Variants in IQGAP1 observed in about 807,000 individuals in gnomAD.
The protein encoded by IQGAP1 is IQ motif containing GTPase activating protein 1.
In IQGAP1, 66 loss-of-function variants were observed where a neutral mutation model predicts 215.6. The ratio of observed to expected loss-of-function variants is 0.31; its 90% CI spans 0.25 to 0.38. The LOEUF is 0.38. Among genes scored for constraint, IQGAP1 ranks in the 10% least tolerant of loss-of-function variants. IQGAP1 has a pLI of 1.00. For synonymous variants in IQGAP1, 772 were observed against 728.7 expected (o/e 1.06, Z -0.96); for missense variants, 1,712 against 1,997.1 (o/e 0.86, Z 2.72).
At chr15:90,465,971 C>G (rs369657401) in intron 15 of IQGAP1, 30 bp from the exon 16 acceptor site, 2 of 1,558,264 alleles carry the variant, frequency 1.3e-6, no homozygotes, top group East Asian at 4.5e-5. Context: ...GATTTCATGA[C>G]TTTAATATTT....
intron 33 of IQGAP1, among the ~76,000 whole-genome samples, chr15:90,487,816 C>T (rs16974215): frequency 0.23 from 35,076 of 151,984 alleles, 5,676 homozygotes; most frequent in African/African-American, 0.46. Flanking sequence ...AATCATTGTG[C>T]CCATCCCGTA....
chr15:90,466,165 A>T, intron 16 of IQGAP1, 74 bp downstream of exon 16: 1 of 1,576,486 alleles, frequency 6.3e-7, no homozygotes, highest in Non-Finnish European at 8.7e-7. Context: ...CTTGACCAAG[A>T]TAGGTATGGG....
chr15:90,478,101 C>A (rs1966006057), intron 26 of IQGAP1, among the ~76,000 whole-genome samples: 1 of 152,198 alleles, frequency 6.6e-6, no homozygotes. Context: ...AAGCAATTCT[C>A]ATGCCCCAGC....
chr15:90,477,676 A>G lies in IQGAP1; in HGVS notation c.3116A>G (p.Asp1039Gly). The change falls in exon 26 of 38, where the codon GAT becomes GGT. Residue 1039 changes from aspartate to glycine, a missense_variant. Asp to Gly is a moderately conservative substitution (Grantham distance 94). This residue lies in a region of IQGAP1 where 691 missense variants were observed against 923.0 expected (regional missense o/e 0.75). Transcript: ENST00000268182. ...CTGATGTTTTATAGGTCGAAGGTAG[A>G]TCAGATTCAAGAGATTGTGACAGGA... Reference protein sequence around the residue: ...ALQEEIKSKVDQIQEIVTGNP... With the variant: ...ALQEEIKSKVGQIQEIVTGNP... The G allele has an allele frequency of 6.2e-7, 1 of 1,612,108 alleles. No individual in the cohort carries two copies. Among genetic ancestry groups the G allele is most frequent in the Non-Finnish European group, 8.5e-7 (1 of 1,178,208 alleles).
rs1430596205 is a variant in IQGAP1, at chr15:90,500,234, C to G, written c.*126C>G. 9.9e-6 allele frequency: 6 copies of G among 605,246 alleles called. No homozygotes were observed. Among genetic ancestry groups the G allele is most frequent in the Non-Finnish European group, 1.8e-5 (6 of 334,386 alleles). The allele number at this position is 605,246 out of a possible 1,614,324, so 37.5% of individuals were successfully genotyped here. A position where few individuals can be genotyped will look rare whatever the true frequency, so the allele number is the denominator to read the frequency against. On this transcript the variant is annotated 3_prime_UTR_variant, in exon 38 of 38. Transcript: ENST00000268182. ...AACAGCACCTCAATCTGATACACTC[C>G]CGATGCCACATTTTTAACTCCTCTC...
intron 37 of IQGAP1, among the ~76,000 whole-genome samples, chr15:90,498,397 T>G (rs1966300237): frequency 2.6e-5 from 4 of 152,056 alleles, no homozygotes; most frequent in Admixed American, 2.6e-4. Context: ...TCCCTCAGTT[T>G]CACCAAATTA....
chr15:90,398,103 C>A (rs1478305255), intron 2 of IQGAP1, among the ~76,000 whole-genome samples: 1 of 151,820 alleles, frequency 6.6e-6, no homozygotes, highest in Non-Finnish European at 1.5e-5. Flanking sequence ...CCAGGCTGGT[C>A]TCAAACTCCT....
intron 2 of IQGAP1, among the ~76,000 whole-genome samples, chr15:90,420,665 C>T (rs1247315069): frequency 6.6e-6 from 1 of 152,120 alleles, no homozygotes; most frequent in East Asian, 1.9e-4. Context: ...ATTGCTAGGA[C>T]AGGGTTAAAT....
At chr15:90,421,400 T>G (rs1273613365) in intron 2 of IQGAP1, among the ~76,000 whole-genome samples, 1 of 149,290 alleles carries the variant, frequency 6.7e-6, no homozygotes, top group Admixed American at 6.7e-5. Flanking sequence ...TGCTTGAACT[T>G]GGGAGACGGA....
chr15:90,484,180 A>G, intron 29 of IQGAP1, 40 bp from the exon 30 acceptor site: 3 of 1,602,168 alleles, frequency 1.9e-6, no homozygotes, highest in Non-Finnish European at 2.6e-6. Flanking sequence ...CTTCATGTGT[A>G]TGTCCCTTTT....
At chr15:90,457,595 A>AT (rs34550575) in intron 15 of IQGAP1, among the ~76,000 whole-genome samples, 74,202 of 131,326 alleles carry the variant, frequency 0.57, 21,671 homozygotes, top group East Asian at 0.83. Context: ...CCTGGCTAAA[A>AT]TTTTTTTTTT....
chr15:90,398,173 A>T (rs1172355135), intron 2 of IQGAP1, among the ~76,000 whole-genome samples: 2 of 152,156 alleles, frequency 1.3e-5, no homozygotes, highest in East Asian at 3.8e-4. Context: ...GACATGAGCC[A>T]CTGTGCCCGG....
At chr15:90,479,394 CAG>C (rs745498477) in intron 26 of IQGAP1, among the ~76,000 whole-genome samples, 9 of 151,960 alleles carry the variant, frequency 5.9e-5, no homozygotes, top group Non-Finnish European at 8.8e-5. Context: ...GCCAGGCAAA[CAG>C]GGAGTTTTAC....
chr15:90,415,413 T>C (rs1965031214), intron 2 of IQGAP1, among the ~76,000 whole-genome samples: 1 of 152,212 alleles, frequency 6.6e-6, no homozygotes. Flanking sequence ...AAAAATGGCC[T>C]TACAGAAGTT....
intron 2 of IQGAP1, among the ~76,000 whole-genome samples, chr15:90,399,004 C>CA (rs771595366): frequency 0.18 from 15,628 of 86,570 alleles, 1,574 homozygotes; most frequent in African/African-American, 0.27. Flanking sequence ...GACATTGTCT[C>CA]AAAAAAAAAA....
rs57452745 is a variant in IQGAP1, at chr15:90,481,269, CTT to C, written c.3330-666_3330-665del. 3.6e-3 allele frequency among the ~76,000 whole-genome samples: 406 copies of C among 113,136 alleles called. 5 individuals are homozygous for C. Among genetic ancestry groups the C allele is most frequent in the African/African-American group, 7.5e-3 (226 of 29,944 alleles). 74.2% of individuals were successfully genotyped at this position (113,136 alleles called of 152,430 possible). A position where few individuals can be genotyped will look rare whatever the true frequency, so the allele number is the denominator to read the frequency against. On this transcript the variant is annotated intron_variant, in intron 26 of 37. Transcript: ENST00000268182. ...GTGTGTACCAAAGCTCTCTCTGCCT[CTT>C]TTTTTTTTTTTTTTTTTTTTTTTTA...
rs140708397 is a variant in IQGAP1 at position 90,483,721 on chromosome 15, G to T, written c.3788+128G>T. 1.2e-4 allele frequency: 77 copies of T among 656,806 alleles called. No individual in the cohort carries two copies. In the African/African-American group the frequency reaches 1.4e-3, roughly 12 times the overall value. The allele number at this position is 656,806 out of a possible 1,614,324, so 40.7% of individuals were successfully genotyped here. ...CATATGTAGAAGACGTGTTTGATGT[G>T]CCCAGGATTCCAGAAGATGATCCAT... On this transcript the variant is annotated intron_variant, in intron 29 of 37. Transcript: ENST00000268182.
intron 33 of IQGAP1, among the ~76,000 whole-genome samples, chr15:90,490,928 C>T (rs1253154307): frequency 6.6e-6 from 1 of 152,218 alleles, no homozygotes; most frequent in Non-Finnish European, 1.5e-5. Flanking sequence ...CCTGCCTCAG[C>T]CTCCTGAGTA....
chr15:90,451,048 T>C (rs1965597536), intron 11 of IQGAP1, among the ~76,000 whole-genome samples: 2 of 152,208 alleles, frequency 1.3e-5, no homozygotes, highest in Admixed American at 6.5e-5. Context: ...CTTAGACCAG[T>C]GTCCTGAAGC....
Sources: gnomAD v4.1 joint callset for allele counts (sites outside exome capture counted in the v4.1 genomes callset) on GRCh38, gnomAD v4.1.1 for gene constraint, gnomAD v4.1.1 regional missense constraint, MANE v1.5 for transcripts, NCBI Gene and HGNC (gene_info 2026-07-23, HGNC 2026-07-21) for gene names.